The following CCSER1 variants were observed in gnomAD, a reference collection of about 807,000 sequenced individuals.
CCSER1 encodes the protein coiled-coil serine rich protein 1, also known as serine-rich coiled-coil domain-containing protein 1.
CCSER1 carries 41 observed loss-of-function variants against 82.0 expected under a neutral mutation model. That is an observed-to-expected ratio of 0.50 (90% CI 0.39 to 0.65). The LOEUF is 0.65. CCSER1 is among the 30% of genes least tolerant of loss of function. The pLI is 0.00. For missense variants in CCSER1, 1,119 were observed against 1,064.2 expected, an observed-to-expected ratio of 1.05 and a Z score of -0.72; for synonymous variants, 414 against 383.9, an observed-to-expected ratio of 1.08 and a Z score of -0.92.
intron 10 of CCSER1, among the ~76,000 whole-genome samples, chr4:91,557,896 CA>C (rs1762477037): frequency 6.6e-6 from 1 of 150,944 alleles, no homozygotes; most frequent in African/African-American, 2.4e-5. Flanking sequence ...ATTTTGTAAG[CA>C]AAATGTAAGC....
chr4:90,232,249 A>G (rs1744740848), intron 1 of CCSER1, among the ~76,000 whole-genome samples: 1 of 151,824 alleles, frequency 6.6e-6, no homozygotes, highest in African/African-American at 2.4e-5. Context: ...TAACCAAAAC[A>G]GCATGGTACC....
intron 10 of CCSER1, among the ~76,000 whole-genome samples, chr4:91,578,300 T>G (rs985134140): frequency 6.6e-6 from 1 of 151,996 alleles, no homozygotes; most frequent in Non-Finnish European, 1.5e-5. Flanking sequence ...ATCTCAAAAC[T>G]GTCACAGTTT....
chr4:91,455,441 T>C (rs757015098), intron 10 of CCSER1, among the ~76,000 whole-genome samples: 4 of 152,044 alleles, frequency 2.6e-5, no homozygotes, highest in Non-Finnish European at 4.4e-5. Context: ...AGTGCTCTTA[T>C]AAAAGAGATT....
chr4:90,841,712 T>C (rs1322139355), intron 8 of CCSER1, among the ~76,000 whole-genome samples: 2 of 152,216 alleles, frequency 1.3e-5, no homozygotes, highest in Non-Finnish European at 2.9e-5. Flanking sequence ...CTTCTCTCTA[T>C]TCTGTAGACT....
At chr4:90,941,307 GTTAAGT>G (rs1191859990) in intron 9 of CCSER1, among the ~76,000 whole-genome samples, 2 of 152,052 alleles carry the variant, frequency 1.3e-5, no homozygotes, top group East Asian at 3.9e-4. Context: ...ATCATTGTCT[GTTAAGT>G]TTATTACATA....
At chr4:90,836,492 T>C (rs1198236912) in intron 8 of CCSER1, among the ~76,000 whole-genome samples, 4 of 152,184 alleles carry the variant, frequency 2.6e-5, no homozygotes, top group Non-Finnish European at 5.9e-5. Context: ...TTAAGACATA[T>C]GGACAAATTC....
chr4:90,438,465 A>C (rs1759367053), intron 4 of CCSER1, among the ~76,000 whole-genome samples: 1 of 152,182 alleles, frequency 6.6e-6, no homozygotes, highest in South Asian at 2.1e-4. Flanking sequence ...ACAGGATTAT[A>C]AATAACATTG....
chr4:90,253,313 T>C (rs919509313), intron 1 of CCSER1, among the ~76,000 whole-genome samples: 4 of 152,228 alleles, frequency 2.6e-5, no homozygotes, highest in Admixed American at 2.0e-4. Context: ...TTTTAGTGGG[T>C]TTCAAATTAT....
intron 10 of CCSER1, among the ~76,000 whole-genome samples, chr4:91,170,990 C>A (rs1732688080): frequency 6.6e-6 from 1 of 152,166 alleles, no homozygotes; most frequent in African/African-American, 2.4e-5. Flanking sequence ...TCTCCTGATT[C>A]ATAAATGATT....
chr4:90,553,381 G>A (rs922358455), intron 5 of CCSER1, among the ~76,000 whole-genome samples: 1 of 152,096 alleles, frequency 6.6e-6, no homozygotes, highest in African/African-American at 2.4e-5. Context: ...AACTTCAAAG[G>A]TTCTTATGAA....
At chr4:90,169,775 C>G (rs1358784424) in intron 1 of CCSER1, among the ~76,000 whole-genome samples, 1 of 151,588 alleles carries the variant, frequency 6.6e-6, no homozygotes, top group Non-Finnish European at 1.5e-5. Flanking sequence ...TAGCCTTTGT[C>G]TACATTCTTT....
chr4:91,451,675 C>T (rs1230271378), intron 10 of CCSER1, among the ~76,000 whole-genome samples: 1 of 151,858 alleles, frequency 6.6e-6, no homozygotes, highest in African/African-American at 2.4e-5. Flanking sequence ...CTGCATGTAA[C>T]ATACAATATG....
chr4:90,957,700 G>GTATATA (rs10553389), intron 9 of CCSER1, among the ~76,000 whole-genome samples: 4 of 133,676 alleles, frequency 3.0e-5, no homozygotes, highest in Non-Finnish European at 3.1e-5. Flanking sequence ...ATTTCATGGT[G>GTATATA]TATATATATA....
At chr4:91,445,520 G>T (rs932306409) in intron 10 of CCSER1, among the ~76,000 whole-genome samples, 1 of 151,812 alleles carries the variant, frequency 6.6e-6, no homozygotes, top group Non-Finnish European at 1.5e-5. Context: ...AATGTTGACA[G>T]TAGAGATTAT....
intron 10 of CCSER1, among the ~76,000 whole-genome samples, chr4:91,345,664 A>G (rs1450984858): frequency 1.3e-5 from 2 of 152,208 alleles, no homozygotes; most frequent in Non-Finnish European, 2.9e-5. Flanking sequence ...ATAATTGATG[A>G]ACCAGTATCA....
intron 3 of CCSER1, among the ~76,000 whole-genome samples, chr4:90,360,067 G>A (rs985133815): frequency 2.9e-4 from 43 of 148,616 alleles, no homozygotes; most frequent in African/African-American, 5.1e-4. Flanking sequence ...ACAGGTGCCC[G>A]CCATCACGCC....
At chr4:91,044,023 C>T (rs1742220491) in intron 9 of CCSER1, among the ~76,000 whole-genome samples, 1 of 152,130 alleles carries the variant, frequency 6.6e-6, no homozygotes, top group Non-Finnish European at 1.5e-5. Flanking sequence ...AGACTTTATA[C>T]ATACAAAGAC....
intron 5 of CCSER1, among the ~76,000 whole-genome samples, chr4:90,523,664 T>C (rs1444807601): frequency 2.0e-5 from 3 of 152,168 alleles, no homozygotes; most frequent in African/African-American, 7.2e-5. Context: ...GTTCCACAGT[T>C]GGTTCTACTC....
At chr4:91,401,792 T>C (rs895891003) in intron 10 of CCSER1, among the ~76,000 whole-genome samples, 1 of 152,200 alleles carries the variant, frequency 6.6e-6, no homozygotes. Context: ...CTTAATCCAG[T>C]CTATCATTGA....
Sources: allele counts gnomAD v4.1 joint callset (sites outside exome capture counted in the v4.1 genomes callset), GRCh38; gene constraint gnomAD v4.1.1; transcripts MANE v1.5; gene names NCBI Gene and HGNC (gene_info 2026-07-23, HGNC 2026-07-21).